PIEZO2: variants seen among roughly 807,000 people sequenced by gnomAD.
The protein encoded by PIEZO2 is piezo type mechanosensitive ion channel component 2, also known as piezo-type mechanosensitive ion channel component 2.
A neutral mutation model predicts 337.3 loss-of-function variants in PIEZO2; 172 were observed. The ratio of observed to expected loss-of-function variants is 0.51; its 90% CI spans 0.45 to 0.58. The LOEUF (loss-of-function observed/expected upper bound fraction) is 0.58, where lower values mean the gene tolerates loss of function less well. PIEZO2 is among the 20% of genes least tolerant of loss of function. PIEZO2 has a pLI of 0.00. For synonymous variants in PIEZO2, 1,251 were observed against 1,228.5 expected, an observed-to-expected ratio of 1.02 and a Z score of -0.38; for missense variants, 3,028 against 3,391.3, an observed-to-expected ratio of 0.89 and a Z score of 2.66.
chr18:10,960,181 A>G (rs1343313055), intron 3 of PIEZO2, among the ~76,000 whole-genome samples: 1 of 152,180 alleles, frequency 6.6e-6, no homozygotes, highest in African/African-American at 2.4e-5. Context: ...CCAAACCAAC[A>G]TAGTATGTAC....
chr18:10,972,562 C>T (rs934160941), intron 3 of PIEZO2, among the ~76,000 whole-genome samples: 9 of 152,182 alleles, frequency 5.9e-5, no homozygotes, highest in African/African-American at 1.9e-4. Flanking sequence ...CTGATGCTGC[C>T]TTCCATCCAG....
intron 2 of PIEZO2, among the ~76,000 whole-genome samples, chr18:11,062,360 AT>A (rs1192198589): frequency 6.6e-6 from 1 of 152,222 alleles, no homozygotes; most frequent in Non-Finnish European, 1.5e-5. Flanking sequence ...CAAGGACTTC[AT>A]GTCTAAAACA....
intron 17 of PIEZO2, among the ~76,000 whole-genome samples, 151 bp from the exon 18 acceptor site, chr18:10,780,517 G>A (rs1242630941): frequency 6.6e-6 from 1 of 152,118 alleles, no homozygotes; most frequent in Non-Finnish European, 1.5e-5. Flanking sequence ...ATGCCTTGAA[G>A]AAGAGTCTAG....
intron 48 of PIEZO2, among the ~76,000 whole-genome samples, chr18:10,690,474 A>T (rs2034764475): frequency 6.6e-6 from 1 of 152,144 alleles, no homozygotes; most frequent in Admixed American, 6.5e-5. Flanking sequence ...ATTCTCCCCT[A>T]GGATGCCTCA....
rs1437243632 is a variant in PIEZO2 at position 10,762,939 on chromosome 18, A to C, written c.3106T>G (p.Ser1036Ala). 2 of 1,537,240 alleles carry C rather than the reference A, an allele frequency of 1.3e-6. No individual in the cohort carries two copies. Among genetic ancestry groups the C allele is most frequent in the Non-Finnish European group, 1.7e-6 (2 of 1,146,888 alleles). ...QLQTIKPENF[S>A]VNCSLPNENQ... ...AGGCTCACCAAGGAACAGTTAACAG[A>C]GAAGTTCTCAGGCTTAATGGTTTGG... is the stretch of plus-strand genomic sequence containing the variant. Residue 1036 changes from serine to alanine, a missense_variant, in exon 22 of 56, where the codon TCT (serine) becomes GCT (alanine). This residue lies in a region of PIEZO2 where 1,925 missense variants were observed against 2,051.9 expected (regional missense o/e 0.94). Transcript: ENST00000674853.
intron 43 of PIEZO2, among the ~76,000 whole-genome samples, chr18:10,700,465 A>G (rs563764704): frequency 6.6e-6 from 1 of 152,110 alleles, no homozygotes; most frequent in South Asian, 2.1e-4. Context: ...TCTCATATAC[A>G]TTCATATATT....
chr18:10,965,148 T>C (rs1377298958), intron 3 of PIEZO2, among the ~76,000 whole-genome samples: 4 of 152,170 alleles, frequency 2.6e-5, no homozygotes, highest in Non-Finnish European at 4.4e-5. Flanking sequence ...AATTCTTTTA[T>C]GGCTGAGTGA....
In PIEZO2 at chr18:11,003,604, G is replaced by C. The variant is rs1375886105; in HGVS notation, c.161-23944C>G. Among the ~76,000 whole-genome samples the C allele has an allele frequency of 6.6e-6, 1 of 152,192 alleles. No individual in the cohort carries two copies. Among genetic ancestry groups the C allele is most frequent in the Non-Finnish European group, 1.5e-5 (1 of 68,032 alleles). On this transcript the variant is annotated intron_variant, in intron 2 of 55. Coordinates refer to ENST00000674853, the MANE Select transcript of PIEZO2 (RefSeq NM_001378183.1). The surrounding 1 kb of genome is among the most constrained non-coding windows in gnomAD (Gnocchi z 4.6). ...TTGCAGGGGGCTGGAGCTTAACCTG[G>C]AAGTTCAGGGCACCAGGCGGGCATC...
intron 31 of PIEZO2, among the ~76,000 whole-genome samples, chr18:10,743,488 T>C (rs1482704077): frequency 6.6e-6 from 1 of 152,038 alleles, no homozygotes; most frequent in East Asian, 1.9e-4. Context: ...GTCTCCGGAG[T>C]GGAGTCAGTC....
intron 4 of PIEZO2, among the ~76,000 whole-genome samples, chr18:10,890,209 G>T (rs2042716093): frequency 1.3e-5 from 2 of 152,182 alleles, no homozygotes; most frequent in Admixed American, 1.3e-4. Context: ...CTCCTATTTA[G>T]TGAGGACACA....
In PIEZO2 at chr18:10,696,157, T is replaced by C. The variant is rs1398596302; in HGVS notation, c.7107A>G (p.Val2369=). 6.2e-7 allele frequency: 1 copy of C among 1,614,010 alleles called. No homozygotes were observed. The highest frequency in any genetic ancestry group is 1.3e-5 in the African/African-American group (1 of 74,926). ...TGACCTGGAAGATGACCTTTCCCAGTACAGTCTTCCTGAGGTAGAGGGCTC... is the reference window on the plus strand; with the variant it reads ...TGACCTGGAAGATGACCTTTCCCAGCACAGTCTTCCTGAGGTAGAGGGCTC... The part of the protein sequence containing the change: ...VDRALYLRKT[V]LGKVIFQVIL... Residue 2369 remains valine (V), a synonymous_variant, in exon 47 of 56, where the codon GTA becomes GTG. Coordinates refer to ENST00000674853, the MANE Select transcript of PIEZO2 (RefSeq NM_001378183.1).
At chr18:11,024,407 G>T (rs112189256) in intron 2 of PIEZO2, among the ~76,000 whole-genome samples, 2 of 151,184 alleles carry the variant, frequency 1.3e-5, no homozygotes, top group East Asian at 2.0e-4. Context: ...TTAGCCGGGC[G>T]TAGTGGCGGG....
At chr18:10,832,884 G>A (rs2040888613) in intron 7 of PIEZO2, among the ~76,000 whole-genome samples, 1 of 152,176 alleles carries the variant, frequency 6.6e-6, no homozygotes, top group Non-Finnish European at 1.5e-5. Flanking sequence ...GGTAACTCCT[G>A]TCTTCACCAT....
chr18:10,958,654 C>T (rs1465618246), intron 3 of PIEZO2, among the ~76,000 whole-genome samples: 1 of 152,112 alleles, frequency 6.6e-6, no homozygotes, highest in African/African-American at 2.4e-5. Context: ...CATAAATATA[C>T]ACAATACTTA....
chr18:10,984,005 T>C (rs754597202), intron 2 of PIEZO2, among the ~76,000 whole-genome samples: 1 of 152,180 alleles, frequency 6.6e-6, no homozygotes, highest in Non-Finnish European at 1.5e-5. Flanking sequence ...GGTGCATCCA[T>C]AGAAAAGTTC....
chr18:11,089,931 C>G (rs2039021976), intron 1 of PIEZO2, among the ~76,000 whole-genome samples: 1 of 152,168 alleles, frequency 6.6e-6, no homozygotes. Context: ...ATTGATCTCA[C>G]GAGTTTCTAA....
At chr18:11,114,472 C>A (rs1254396157) in intron 1 of PIEZO2, among the ~76,000 whole-genome samples, 1 of 152,176 alleles carries the variant, frequency 6.6e-6, no homozygotes, top group Non-Finnish European at 1.5e-5. Flanking sequence ...TCAAGACCAG[C>A]CTGGCCAACA....
chr18:11,079,618 A>G (rs1427333219), intron 1 of PIEZO2, among the ~76,000 whole-genome samples: 1 of 152,130 alleles, frequency 6.6e-6, no homozygotes, highest in Non-Finnish European at 1.5e-5. Flanking sequence ...TTCTGCACAC[A>G]GTAAGCATTC....
chr18:10,745,064 T>C (rs2037369179), intron 30 of PIEZO2, among the ~76,000 whole-genome samples: 1 of 151,694 alleles, frequency 6.6e-6, no homozygotes, highest in South Asian at 2.1e-4. Flanking sequence ...TTTTCACTCC[T>C]AGTAAATGAC....
Sources: allele counts gnomAD v4.1 joint callset (sites outside exome capture counted in the v4.1 genomes callset), GRCh38; gene constraint gnomAD v4.1.1; regional missense constraint gnomAD v4.1.1; non-coding constraint Gnocchi (gnomAD v3.1); transcripts MANE v1.5; gene names NCBI Gene and HGNC (gene_info 2026-07-23, HGNC 2026-07-21).